KHDRBS2: variants seen among roughly 807,000 people sequenced by gnomAD.
KHDRBS2 encodes KH domain-containing, RNA-binding, signal transduction-associated protein 2.
KHDRBS2 carries 26 observed loss-of-function variants against 44.3 expected under a neutral mutation model. That is an observed-to-expected ratio of 0.59 (90% CI 0.43 to 0.81). The LOEUF (loss-of-function observed/expected upper bound fraction) is 0.81, where lower values mean the gene tolerates loss of function less well. Among genes scored for constraint, KHDRBS2 ranks in the 40% least tolerant of loss-of-function variants. The pLI, the probability that KHDRBS2 is intolerant of heterozygous loss-of-function variation, is 0.00. For missense variants in KHDRBS2, 476 were observed against 433.1 expected (o/e 1.10, Z -0.88); for synonymous variants, 194 against 151.1 (o/e 1.28, Z -2.08).
intron 2 of KHDRBS2, among the ~76,000 whole-genome samples, chr6:62,101,825 G>A (rs1413586938): frequency 6.6e-6 from 1 of 152,148 alleles, no homozygotes; most frequent in Non-Finnish European, 1.5e-5. Flanking sequence ...AATACCACAT[G>A]ACTTTCTTCT....
the KHDRBS2 span, among the ~76,000 whole-genome samples, chr6:61,568,916 C>A: frequency 4.6e-5 from 7 of 152,134 alleles, no homozygotes; most frequent in Non-Finnish European, 8.8e-5. Context: ...TTTTCTTGAG[C>A]AGAATCTGGG....
intron 1 of KHDRBS2, among the ~76,000 whole-genome samples, chr6:62,217,356 A>C (rs1034910463): frequency 1.3e-5 from 2 of 151,828 alleles, no homozygotes; most frequent in Non-Finnish European, 2.9e-5. Flanking sequence ...TATATATTCA[A>C]CGTCATGTAA....
chr6:62,125,709 C>T (rs1808801340), intron 2 of KHDRBS2, among the ~76,000 whole-genome samples: 1 of 152,140 alleles, frequency 6.6e-6, no homozygotes, highest in Non-Finnish European at 1.5e-5. Flanking sequence ...CAGGCACCAG[C>T]TCTTGGATGT....
At chr6:62,261,839 A>G (rs1222471753) in intron 1 of KHDRBS2, among the ~76,000 whole-genome samples, 3 of 151,830 alleles carry the variant, frequency 2.0e-5, no homozygotes, top group Admixed American at 6.6e-5. Context: ...TAAATTGTAT[A>G]ATAATTCTGA....
At chr6:61,762,965 C>T (rs1417444862) in intron 6 of KHDRBS2, among the ~76,000 whole-genome samples, 3 of 152,134 alleles carry the variant, frequency 2.0e-5, no homozygotes, top group Admixed American at 6.6e-5. Context: ...GAAGGCAGTT[C>T]TTCTGCCTGT....
intron 6 of KHDRBS2, among the ~76,000 whole-genome samples, chr6:61,852,926 A>G (rs1015412626): frequency 6.6e-6 from 1 of 152,106 alleles, no homozygotes; most frequent in African/African-American, 2.4e-5. Flanking sequence ...AAAGATCTTA[A>G]CTCTACCCAC....
chr6:62,088,663 T>C (rs1350650308), intron 2 of KHDRBS2, among the ~76,000 whole-genome samples: 1 of 152,092 alleles, frequency 6.6e-6, no homozygotes, highest in Non-Finnish European at 1.5e-5. Flanking sequence ...TGTCTTCCAG[T>C]TAGGAGGCAT....
intron 6 of KHDRBS2, among the ~76,000 whole-genome samples, chr6:61,809,083 G>GAA (rs140869382): frequency 6.8e-6 from 1 of 146,774 alleles, no homozygotes; most frequent in African/African-American, 2.5e-5. Context: ...ACTCCACTGG[G>GAA]AAAAAAAAAA....
chr6:61,601,875 A>G, the KHDRBS2 span, among the ~76,000 whole-genome samples: 1 of 152,052 alleles, frequency 6.6e-6, no homozygotes, highest in Non-Finnish European at 1.5e-5. Flanking sequence ...GCCCACCCAC[A>G]CCTGCCCAGA....
chr6:62,217,816 C>T (rs1313004456), intron 1 of KHDRBS2, among the ~76,000 whole-genome samples: 1 of 151,606 alleles, frequency 6.6e-6, no homozygotes, highest in African/African-American at 2.4e-5. Context: ...AATATAGAAT[C>T]CTGAAAGTTT....
chr6:61,635,041 T>C, the KHDRBS2 span, among the ~76,000 whole-genome samples: 1 of 152,096 alleles, frequency 6.6e-6, no homozygotes, highest in African/African-American at 2.4e-5. Context: ...TCAAAATTCC[T>C]GTGCTTGAGA....
chr6:62,108,470 G>A (rs1804087440), intron 2 of KHDRBS2, among the ~76,000 whole-genome samples: 1 of 152,166 alleles, frequency 6.6e-6, no homozygotes, highest in Admixed American at 6.5e-5. Context: ...AGGATGTGGA[G>A]AAATAGGAAC....
chr6:61,875,580 C>A (rs1799298968), intron 6 of KHDRBS2, among the ~76,000 whole-genome samples: 1 of 152,114 alleles, frequency 6.6e-6, no homozygotes, highest in South Asian at 2.1e-4. Context: ...TTGTCCTTCA[C>A]AGACCAAAGG....
intron 6 of KHDRBS2, among the ~76,000 whole-genome samples, chr6:61,849,736 C>G (rs1795170542): frequency 6.6e-6 from 1 of 151,784 alleles, no homozygotes; most frequent in East Asian, 1.9e-4. Context: ...CATGATTAAG[C>G]CTCTTTCGAA....
intron 6 of KHDRBS2, among the ~76,000 whole-genome samples, chr6:61,817,456 A>G (rs1789162542): frequency 6.6e-6 from 1 of 152,148 alleles, no homozygotes. Context: ...AGTGTGCTAC[A>G]TATCCAATGG....
At chr6:62,164,872 G>A (rs1383801579) in intron 2 of KHDRBS2, among the ~76,000 whole-genome samples, 1 of 151,800 alleles carries the variant, frequency 6.6e-6, no homozygotes, top group Admixed American at 6.6e-5. Flanking sequence ...ATAAAGAGCA[G>A]CAACATCTCA....
chr6:61,882,380 G>A (rs1800328068), intron 6 of KHDRBS2, among the ~76,000 whole-genome samples: 1 of 151,960 alleles, frequency 6.6e-6, no homozygotes. Context: ...AAGAATGAAT[G>A]TGAATATGTG....
chr6:61,993,063 C>T (rs1356668839), intron 3 of KHDRBS2, among the ~76,000 whole-genome samples: 1 of 152,036 alleles, frequency 6.6e-6, no homozygotes, highest in South Asian at 2.1e-4. Flanking sequence ...TTCTCTTGGG[C>T]CCCGAAAAGC....
chr6:62,018,148 TAC>T (rs535900618), intron 3 of KHDRBS2, among the ~76,000 whole-genome samples: 15 of 151,008 alleles, frequency 9.9e-5, no homozygotes, highest in Non-Finnish European at 2.1e-4. Context: ...TAAATATTAC[TAC>T]TTTTTTTTTT....
Sources: allele counts gnomAD v4.1 joint callset (sites outside exome capture counted in the v4.1 genomes callset), GRCh38; gene constraint gnomAD v4.1.1; transcripts MANE v1.5; gene names NCBI Gene and HGNC (gene_info 2026-07-23, HGNC 2026-07-21).